ERBIN: variants seen among roughly 807,000 people sequenced by gnomAD.
ERBIN encodes the protein erbb2 interacting protein.
A neutral mutation model predicts 158.4 loss-of-function variants in ERBIN; 60 were observed. The ratio of observed to expected loss-of-function variants is 0.38; its 90% confidence interval spans 0.31 to 0.47. The LOEUF is 0.47. ERBIN is among the 20% of genes least tolerant of loss of function. ERBIN has a pLI of 0.99. For missense variants in ERBIN, 1,610 were observed against 1,648.0 expected, an observed-to-expected ratio of 0.98 and a Z score of 0.40; for synonymous variants, 594 against 557.2, an observed-to-expected ratio of 1.07 and a Z score of -0.93.
chr5:65,951,877 G>A (rs921653594), intron 1 of ERBIN, among the ~76,000 whole-genome samples: 1 of 152,274 alleles, frequency 6.6e-6, no homozygotes, highest in African/African-American at 2.4e-5. Context: ...TGATTCATTT[G>A]TGTTTGACAC....
intron 21 of ERBIN, 39 bp from the exon 22 acceptor site, chr5:66,072,130 A>G: frequency 6.5e-7 from 1 of 1,540,456 alleles, no homozygotes; most frequent in South Asian, 1.2e-5. Flanking sequence ...CACATCTTAA[A>G]GAACATTATT....
chr5:65,937,238 GC>G (rs1265961289), intron 1 of ERBIN, among the ~76,000 whole-genome samples: 1 of 152,048 alleles, frequency 6.6e-6, no homozygotes, highest in African/African-American at 2.4e-5. Context: ...GTCTCTTTAT[GC>G]CTTTTGGTTT....
chr5:65,951,575 T>G (rs1272825146), intron 1 of ERBIN, among the ~76,000 whole-genome samples: 2 of 152,226 alleles, frequency 1.3e-5, no homozygotes, highest in African/African-American at 4.8e-5. Flanking sequence ...ATAGCTATTT[T>G]AGAGCAGTGT....
chr5:66,027,096 C>T (rs773403580), intron 13 of ERBIN, among the ~76,000 whole-genome samples: 2 of 151,898 alleles, frequency 1.3e-5, no homozygotes, highest in South Asian at 4.1e-4. Flanking sequence ...AGAGTGTTTT[C>T]ACTTTTTGCT....
intron 15 of ERBIN, among the ~76,000 whole-genome samples, chr5:66,038,949 A>G (rs968398481): frequency 2.0e-5 from 3 of 151,902 alleles, no homozygotes; most frequent in African/African-American, 7.2e-5. Flanking sequence ...CTGGGCACAG[A>G]TGTTTTTATA....
At chr5:66,011,024 T>G (rs982895676) in intron 4 of ERBIN, among the ~76,000 whole-genome samples, 4 of 152,186 alleles carry the variant, frequency 2.6e-5, no homozygotes, top group African/African-American at 9.7e-5. Flanking sequence ...CCATAATCCT[T>G]TATCTCATTT....
Position 66,025,924 on chromosome 5 carries a change from A to C in ERBIN, c.967A>C (p.Asn323His). The change falls in exon 12 of 26, where the codon AAC (asparagine) becomes CAC (histidine). Residue 323 changes from asparagine (N) to histidine (H), a missense_variant. By Grantham distance (68) the Asn-to-His change is moderately conservative. Coordinates refer to ENST00000284037, the MANE Select transcript of ERBIN (RefSeq NM_001253697.2). The part of the protein sequence containing the change: ...ALPSSIGQLT[N>H]LRTFAADHNY... Reference sequence around the variant, plus strand: ...GCCTTCATCTATTGGGCAGCTTACTAACTTAAGAACTTTTGCTGCTGATCA... The same window carrying C: ...GCCTTCATCTATTGGGCAGCTTACTCACTTAAGAACTTTTGCTGCTGATCA... 3 of 1,595,252 alleles carry C rather than the reference A, an allele frequency of 1.9e-6. No individual in the cohort carries two copies. The highest frequency in any genetic ancestry group is 2.6e-6 in the Non-Finnish European group (3 of 1,171,524).
At chr5:66,039,815 A>G (rs530079019) in intron 15 of ERBIN, among the ~76,000 whole-genome samples, 36 of 152,128 alleles carry the variant, frequency 2.4e-4, no homozygotes, top group African/African-American at 8.7e-4. Flanking sequence ...CTTTAACTAT[A>G]GAACCTCCAG....
At chr5:66,071,875 T>A (rs1215547920) in intron 21 of ERBIN, among the ~76,000 whole-genome samples, 1 of 152,134 alleles carries the variant, frequency 6.6e-6, no homozygotes, top group Non-Finnish European at 1.5e-5. Flanking sequence ...TAAGTAAAAC[T>A]AAAAGGAAAA....
At chr5:66,052,649 C>T (rs1219175055) in intron 20 of ERBIN, among the ~76,000 whole-genome samples, 1 of 151,898 alleles carries the variant, frequency 6.6e-6, no homozygotes, top group African/African-American at 2.4e-5. Flanking sequence ...AATGGGAAGA[C>T]CAGTATTAGG....
intron 14 of ERBIN, among the ~76,000 whole-genome samples, chr5:66,033,052 C>T (rs552057807): frequency 2.5e-4 from 38 of 152,266 alleles, no homozygotes; most frequent in Admixed American, 9.1e-4. Flanking sequence ...AACCTCCTGA[C>T]TTCATTTTCT....
At chr5:66,072,537 TA>T (rs905725713) in intron 22 of ERBIN, among the ~76,000 whole-genome samples, 1 of 152,244 alleles carries the variant, frequency 6.6e-6, no homozygotes, top group African/African-American at 2.4e-5. Context: ...ATTTCTGTTA[TA>T]TAGTACCACC....
At chr5:66,061,891 T>C (rs1271390167) in intron 21 of ERBIN, among the ~76,000 whole-genome samples, 1 of 152,236 alleles carries the variant, frequency 6.6e-6, no homozygotes, top group African/African-American at 2.4e-5. Context: ...TTCTGGCTTG[T>C]AGAGTTTCTG....
chr5:65,985,895 TTA>T (rs1376395733), intron 1 of ERBIN, among the ~76,000 whole-genome samples: 1 of 152,218 alleles, frequency 6.6e-6, no homozygotes, highest in Non-Finnish European at 1.5e-5. Flanking sequence ...TTCTAAGTCC[TTA>T]TTAACAGAGT....
intron 1 of ERBIN, among the ~76,000 whole-genome samples, chr5:65,951,260 G>C (rs1746471948): frequency 1.3e-5 from 2 of 152,044 alleles, no homozygotes; most frequent in African/African-American, 4.8e-5. Context: ...TTAGTATTTA[G>C]ACTACTTAGA....
chr5:66,015,654 A>G lies in ERBIN; in HGVS notation c.533+929A>G, dbSNP rs1478085353. Among the ~76,000 whole-genome samples the G allele has an allele frequency of 2.6e-5, 4 of 152,252 alleles. No individual in the cohort carries two copies. In the South Asian group the frequency reaches 6.2e-4, roughly 24 times the overall value. On this transcript the variant is annotated intron_variant, in intron 7 of 25. Transcript: ENST00000284037. ...TTTGCCCACCCAGCCTGGGCAACAAAGCGAGACCCCCATCTCTATAGAAAA... is the reference window on the plus strand; with the variant it reads ...TTTGCCCACCCAGCCTGGGCAACAAGGCGAGACCCCCATCTCTATAGAAAA...
At chr5:65,954,845 A>G (rs1746908767) in intron 1 of ERBIN, among the ~76,000 whole-genome samples, 2 of 151,828 alleles carry the variant, frequency 1.3e-5, no homozygotes, top group African/African-American at 4.8e-5. Flanking sequence ...GTGGGGGATC[A>G]CTTGAGGTCA....
chr5:65,926,894 C>T (rs1323303232), intron 1 of ERBIN, 88 bp downstream of exon 1: 1 of 152,086 alleles, frequency 6.6e-6, no homozygotes, highest in Non-Finnish European at 1.5e-5. Context: ...GTTTTTCACT[C>T]TTCTCCAAGT....
At chr5:66,002,775 G>T (rs1295239801) in intron 4 of ERBIN, among the ~76,000 whole-genome samples, 1 of 152,174 alleles carries the variant, frequency 6.6e-6, no homozygotes, top group Non-Finnish European at 1.5e-5. Context: ...TGATTAAGAG[G>T]ATATTACAGA....
Sources: allele counts gnomAD v4.1 joint callset (sites outside exome capture counted in the v4.1 genomes callset), GRCh38; gene constraint gnomAD v4.1.1; transcripts MANE v1.5; gene names NCBI Gene and HGNC (gene_info 2026-07-23, HGNC 2026-07-21).